Variants in SAMD5 observed in about 807,000 individuals in gnomAD.
The protein encoded by SAMD5 is sterile alpha motif domain containing 5.
In SAMD5, 13 loss-of-function variants were observed where a neutral mutation model predicts 11.3. The ratio of observed to expected loss-of-function variants is 1.15; its 90% CI spans 0.75 to 1.83. SAMD5 has a LOEUF of 1.83. Ranked by LOEUF, SAMD5 falls within the 40% of genes most tolerant of loss-of-function variation. The pLI, the probability that SAMD5 is intolerant of heterozygous loss-of-function variation, is 0.00. For synonymous variants in SAMD5, 129 were observed against 111.3 expected (o/e 1.16, Z -1.00); for missense variants, 255 against 239.1 (o/e 1.07, Z -0.44).
At chr6:147,661,343 C>T (rs1790646033) in intron 1 of SAMD5, among the ~76,000 whole-genome samples, 1 of 152,178 alleles carries the variant, frequency 6.6e-6, no homozygotes, top group East Asian at 1.9e-4. Flanking sequence ...GAAAACAGAT[C>T]TGCTATCATT....
chr6:147,893,070 C>T, the SAMD5 span, among the ~76,000 whole-genome samples: 6 of 151,782 alleles, frequency 4.0e-5, no homozygotes, highest in Non-Finnish European at 5.9e-5. Flanking sequence ...AAAACTTAGG[C>T]GGGCATGGTA....
chr6:147,605,243 A>G (rs760489715), intron 1 of SAMD5, among the ~76,000 whole-genome samples: 1 of 152,136 alleles, frequency 6.6e-6, no homozygotes, highest in Non-Finnish European at 1.5e-5. Context: ...CTCCTGGGTA[A>G]CTGGGACTAC....
rs181934851 is a variant in SAMD5 at position 147,666,496 on chromosome 6, C to T, written c.163-70821C>T. Among the ~76,000 whole-genome samples, 328 of 152,246 alleles carry T rather than the reference C, an allele frequency of 2.2e-3. 1 individual carries two copies. Among genetic ancestry groups the T allele is most frequent in the African/African-American group, 7.5e-3 (312 of 41,562 alleles). ...CTTCAGGCCCTTCCTCCTCAGCTCC[C>T]TGTCAGAGAGCTTGCTTTCCTTCTC... On this transcript the variant is annotated intron_variant, in intron 1 of 1. Transcript: ENST00000566741.
rs770537446 is a variant in SAMD5 at position 147,595,522 on chromosome 6, CTT to C, written c.162+86156_162+86157del. 5.1e-3 allele frequency among the ~76,000 whole-genome samples: 542 copies of C among 106,618 alleles called. 3 individuals carry two copies. Among genetic ancestry groups the C allele is most frequent in the Non-Finnish European group, 6.6e-3 (379 of 57,330 alleles). The allele number at this position is 106,618 out of a possible 152,430, so 69.9% of individuals were successfully genotyped here. A position where few individuals can be genotyped will look rare whatever the true frequency, so the allele number is the denominator to read the frequency against. On this transcript the variant is annotated intron_variant, in intron 1 of 1. Transcript: ENST00000566741. ...CCGTTTTTAGTAGTGACTAAACTACCTTTTTTTTTTTTTTTTTTTTTTGAGAC... is the reference window on the plus strand; with the variant it reads ...CCGTTTTTAGTAGTGACTAAACTACCTTTTTTTTTTTTTTTTTTTTGAGAC...
chr6:147,951,286 A>G, the SAMD5 span, among the ~76,000 whole-genome samples: 10 of 150,954 alleles, frequency 6.6e-5, no homozygotes, highest in Non-Finnish European at 1.2e-4. Context: ...GGTTCACGCC[A>G]TTCTCCTGCC....
chr6:147,530,692 G>A (rs1788417003), intron 1 of SAMD5, among the ~76,000 whole-genome samples: 1 of 152,216 alleles, frequency 6.6e-6, no homozygotes, highest in African/African-American at 2.4e-5. Flanking sequence ...CAAAAGCTAA[G>A]AATCACCGAC....
intron 1 of SAMD5, among the ~76,000 whole-genome samples, chr6:147,535,214 G>A (rs929703945): frequency 6.6e-6 from 1 of 152,152 alleles, no homozygotes; most frequent in Admixed American, 6.5e-5. Flanking sequence ...GGTGAGAAGC[G>A]TGTAACCGCT....
intron 1 of SAMD5, among the ~76,000 whole-genome samples, chr6:147,644,191 T>C (rs9497835): frequency 0.034 from 4,709 of 139,634 alleles, 236 homozygotes; most frequent in African/African-American, 0.12. Flanking sequence ...GCTGCTCTAA[T>C]TAGAAAACTG....
intron 1 of SAMD5, among the ~76,000 whole-genome samples, chr6:147,732,308 AG>A (rs1791727340): frequency 6.6e-6 from 1 of 152,170 alleles, no homozygotes; most frequent in Non-Finnish European, 1.5e-5. Context: ...CCTCATATAC[AG>A]GGCATGCCAA....
At chr6:147,549,304 T>C (rs757901502) in intron 1 of SAMD5, among the ~76,000 whole-genome samples, 19 of 152,204 alleles carry the variant, frequency 1.2e-4, no homozygotes, top group Non-Finnish European at 2.2e-4. Context: ...AGGTGCACCC[T>C]AGCAGCTCAT....
intron 1 of SAMD5, among the ~76,000 whole-genome samples, chr6:147,528,488 C>T (rs932254926): frequency 2.0e-5 from 3 of 152,112 alleles, no homozygotes; most frequent in Non-Finnish European, 2.9e-5. Flanking sequence ...GGGACCCATC[C>T]TGTGACCTTA....
chr6:147,659,061 C>T (rs1404787313), intron 1 of SAMD5, among the ~76,000 whole-genome samples: 1 of 152,180 alleles, frequency 6.6e-6, no homozygotes, highest in African/African-American at 2.4e-5. Context: ...AGGCAAACTT[C>T]CTTACAGAAA....
intron 1 of SAMD5, among the ~76,000 whole-genome samples, chr6:147,544,340 G>A (rs1225903778): frequency 1.3e-5 from 2 of 152,064 alleles, no homozygotes; most frequent in African/African-American, 4.8e-5. Flanking sequence ...ATTTATATGT[G>A]TAGCAAAACA....
At chr6:147,609,350 T>C (rs1415977834) in intron 1 of SAMD5, among the ~76,000 whole-genome samples, 1 of 152,144 alleles carries the variant, frequency 6.6e-6, no homozygotes, top group African/African-American at 2.4e-5. Context: ...CATTGCCTCA[T>C]AGGCCTTAGA....
At chr6:147,729,211 T>C (rs1367018075) in intron 1 of SAMD5, among the ~76,000 whole-genome samples, 1 of 152,218 alleles carries the variant, frequency 6.6e-6, no homozygotes, top group Non-Finnish European at 1.5e-5. Context: ...GCCCCACCCA[T>C]AGGACCTCAC....
the SAMD5 span, among the ~76,000 whole-genome samples, chr6:147,939,462 C>G: frequency 2.0e-5 from 3 of 152,240 alleles, no homozygotes; most frequent in Middle Eastern, 3.4e-3. Context: ...ATCTAGGGAC[C>G]AACCAAGAGT....
At chr6:147,901,899 T>C in the SAMD5 span, among the ~76,000 whole-genome samples, 2 of 152,148 alleles carry the variant, frequency 1.3e-5, no homozygotes, top group Non-Finnish European at 2.9e-5. Context: ...TTCCACCAGG[T>C]AAATGAACTT....
the SAMD5 span, among the ~76,000 whole-genome samples, chr6:147,905,077 G>A: frequency 6.6e-5 from 10 of 151,932 alleles, no homozygotes; most frequent in Non-Finnish European, 1.3e-4. Flanking sequence ...TAGTCGAGAC[G>A]GGGTTTCTCC....
chr6:147,522,033 T>C (rs1172932659), intron 1 of SAMD5, among the ~76,000 whole-genome samples: 5 of 152,148 alleles, frequency 3.3e-5, no homozygotes, highest in Admixed American at 3.3e-4. Flanking sequence ...ATATCTCCCA[T>C]TAATGTTTTT....
Sources: gnomAD v4.1 joint callset for allele counts (sites outside exome capture counted in the v4.1 genomes callset) on GRCh38, gnomAD v4.1.1 for gene constraint, MANE v1.5 for transcripts, NCBI Gene and HGNC (gene_info 2026-07-23, HGNC 2026-07-21) for gene names.